RAB3GAP2: variants seen among roughly 807,000 people sequenced by gnomAD.
RAB3GAP2 encodes the protein rab3 GTPase-activating protein non-catalytic subunit.
Under a neutral mutation model 185.3 loss-of-function variants are expected in RAB3GAP2, and 87 were observed. That is an observed-to-expected ratio of 0.47 (90% CI 0.39 to 0.56). The LOEUF is 0.56. RAB3GAP2 is among the 20% of genes least tolerant of loss of function. The probability of loss-of-function intolerance (pLI) is 0.00; values close to 1 mark genes in which losing one functional copy is unlikely to be tolerated. For synonymous variants in RAB3GAP2, 554 were observed against 576.1 expected (o/e 0.96, Z 0.55); for missense variants, 1,492 against 1,638.2 (o/e 0.91, Z 1.54).
Position 220,184,094 on chromosome 1 carries a change from T to A in RAB3GAP2, c.1940A>T (p.Glu647Val), listed in dbSNP as rs759373620. 1.9e-6 allele frequency: 3 copies of A among 1,604,544 alleles called. No individual in the cohort carries two copies. In the Admixed American group the frequency reaches 5.0e-5, roughly 27 times the overall value. ...AAGGGAATTTAATTGACTGACAGAC[T>A]CATAGAGTTGCAGCAGTTTTAGTTT... ...ANKLKLLQLYESVSQLNSLDF... is the reference protein window; with the variant it reads ...ANKLKLLQLYVSVSQLNSLDF... Residue 647 changes from glutamate to valine, a missense_variant, in exon 19 of 35, where the codon GAG becomes GTG. Glu to Val is a moderately radical substitution (Grantham distance 121). This residue lies in a region of RAB3GAP2 where 681 missense variants were observed against 689.1 expected (regional missense o/e 0.99). Transcript: ENST00000358951.
At chr1:220,162,123 T>C (rs757596865) in intron 28 of RAB3GAP2, 75 bp downstream of exon 28, 1 of 1,169,408 alleles carries the variant, frequency 8.6e-7, no homozygotes, top group Non-Finnish European at 1.3e-6. Context: ...CAAAGCCTAA[T>C]GTGAACAATC....
chr1:220,252,232 G>A (rs1659947510), intron 1 of RAB3GAP2, among the ~76,000 whole-genome samples: 1 of 150,202 alleles, frequency 6.7e-6, no homozygotes, highest in African/African-American at 2.4e-5. Context: ...AAATGACTTG[G>A]AAAGATATAG....
At chr1:220,266,701 T>C in intron 1 of RAB3GAP2, 1 of 1,567,084 alleles carries the variant, frequency 6.4e-7, no homozygotes, top group Admixed American at 1.7e-5. Flanking sequence ...CCCTGCACGA[T>C]TCCTAAGAAT....
At chr1:220,154,344 A>G in intron 31 of RAB3GAP2, 1 of 332,990 alleles carries the variant, frequency 3.0e-6, no homozygotes, top group African/African-American at 2.1e-5. Context: ...GAGGTGATAC[A>G]TGTTACTTCC....
chr1:220,178,687 A>G (rs1312266123), intron 21 of RAB3GAP2, among the ~76,000 whole-genome samples: 1 of 152,074 alleles, frequency 6.6e-6, no homozygotes, highest in Non-Finnish European at 1.5e-5. Flanking sequence ...GAAACATACT[A>G]CAAGAGAAAA....
chr1:220,207,166 A>G (rs941458313), intron 7 of RAB3GAP2, among the ~76,000 whole-genome samples: 1 of 152,348 alleles, frequency 6.6e-6, no homozygotes, highest in Non-Finnish European at 1.5e-5. Flanking sequence ...TCTTCTGTCT[A>G]TATCTTTTCA....
chr1:220,163,744 C>CATACATATATATATATATAT (rs775527991), intron 27 of RAB3GAP2, among the ~76,000 whole-genome samples: 97 of 122,948 alleles, frequency 7.9e-4, no homozygotes, highest in African/African-American at 2.6e-3. Context: ...TAAATACATA[C>CATACATATATATATATATAT]ATATATATAT....
At chr1:220,251,299 G>A (rs962709689) in intron 1 of RAB3GAP2, among the ~76,000 whole-genome samples, 10 of 152,098 alleles carry the variant, frequency 6.6e-5, no homozygotes, top group African/African-American at 2.4e-4. Flanking sequence ...CTAGTAGAAT[G>A]TTTTACAAGC....
intron 13 of RAB3GAP2, among the ~76,000 whole-genome samples, 198 bp downstream of exon 13, chr1:220,193,042 G>C (rs917314510): frequency 2.6e-5 from 4 of 152,174 alleles, no homozygotes; most frequent in Admixed American, 2.6e-4. Flanking sequence ...ACATGGCTAT[G>C]AGGTGATCAA....
intron 1 of RAB3GAP2, among the ~76,000 whole-genome samples, chr1:220,270,149 C>A (rs187933800): frequency 1.2e-4 from 19 of 152,256 alleles, no homozygotes; most frequent in African/African-American, 4.6e-4. Context: ...AACTGCTGAC[C>A]ATTCCTCACC....
chr1:220,196,192 G>A, intron 10 of RAB3GAP2, 58 bp downstream of exon 10: 9 of 1,565,414 alleles, frequency 5.7e-6, no homozygotes, highest in Non-Finnish European at 7.9e-6. Flanking sequence ...TATCCAATTT[G>A]TAGACAAATT....
rs891484068 is a variant in RAB3GAP2 at position 220,248,227 on chromosome 1, A to G, written c.116-15364T>C. ...CTACTAGAAGCAGAGAGTAGAAATAAGATGTCAGTCAAAGGGTAAAAGTTT... is the reference window on the plus strand; with the variant it reads ...CTACTAGAAGCAGAGAGTAGAAATAGGATGTCAGTCAAAGGGTAAAAGTTT... On this transcript the variant is annotated intron_variant, in intron 1 of 34. Coordinates refer to ENST00000358951, the MANE Select transcript of RAB3GAP2 (RefSeq NM_012414.4). Among the ~76,000 whole-genome samples the G allele has an allele frequency of 2.0e-5, 3 of 152,224 alleles. No homozygotes were observed. The East Asian group carries it at 5.8e-4, about 29-fold the overall frequency.
At chr1:220,261,941 T>C (rs1415186399) in intron 1 of RAB3GAP2, among the ~76,000 whole-genome samples, 3 of 152,046 alleles carry the variant, frequency 2.0e-5, no homozygotes, top group African/African-American at 7.2e-5. Flanking sequence ...TGTCGCGTTT[T>C]TAAATAATCT....
intron 11 of RAB3GAP2, 62 bp from the exon 12 acceptor site, chr1:220,195,229 T>A: frequency 1.9e-6 from 3 of 1,602,652 alleles, no homozygotes; most frequent in Non-Finnish European, 2.6e-6. Context: ...GTGCAAACTA[T>A]CAAAATATAA....
At position 220,157,470 on chromosome 1, in the gene RAB3GAP2, C is replaced by T. The variant is rs1029887970; in HGVS notation, c.3355G>A (p.Glu1119Lys). 9 of 1,613,400 alleles carry T rather than the reference C, an allele frequency of 5.6e-6. No individual in the cohort carries two copies. In the Admixed American group the frequency reaches 8.3e-5, roughly 15 times the overall value. Reference protein sequence around the residue: ...ILMEADVSRDEIQVPVLDTED... With the variant: ...ILMEADVSRDKIQVPVLDTED... ...GTATCCAGCACAGGCACCTGTATTTCATCCCTGCTAACATCTGCCTAAGGG... is the reference window on the plus strand; with the variant it reads ...GTATCCAGCACAGGCACCTGTATTTTATCCCTGCTAACATCTGCCTAAGGG... Residue 1119 changes from glutamate to lysine, a missense_variant, in exon 31 of 35, where the codon GAA becomes AAA. Coordinates refer to ENST00000358951, the MANE Select transcript of RAB3GAP2 (RefSeq NM_012414.4).
intron 1 of RAB3GAP2, chr1:220,254,506 G>A: frequency 6.2e-7 from 1 of 1,613,506 alleles, no homozygotes; most frequent in African/African-American, 1.3e-5. Flanking sequence ...CGATTATGAA[G>A]TGGCTCCTCC....
intron 20 of RAB3GAP2, 124 bp downstream of exon 20, chr1:220,182,594 G>A: frequency 8.5e-7 from 1 of 1,182,770 alleles, no homozygotes; most frequent in Non-Finnish European, 1.2e-6. Flanking sequence ...AAAAAATACA[G>A]TACATTAAAT....
chr1:220,171,237 C>A, intron 23 of RAB3GAP2, 117 bp from the exon 24 acceptor site: 1 of 883,154 alleles, frequency 1.1e-6, no homozygotes. Context: ...GCAACACATA[C>A]ATGCTATTTC....
intron 1 of RAB3GAP2, chr1:220,266,352 G>A (rs865885779): frequency 3.1e-5 from 12 of 384,220 alleles, no homozygotes; most frequent in Non-Finnish European, 4.5e-5. Flanking sequence ...TTAACCGATC[G>A]AGTCAGCACA....
Sources: allele counts gnomAD v4.1 joint callset (sites outside exome capture counted in the v4.1 genomes callset), GRCh38; gene constraint gnomAD v4.1.1; regional missense constraint gnomAD v4.1.1; transcripts MANE v1.5; gene names NCBI Gene and HGNC (gene_info 2026-07-23, HGNC 2026-07-21).